KCNH7: variants seen among roughly 807,000 people sequenced by gnomAD.
The protein encoded by KCNH7 is voltage-gated inwardly rectifying potassium channel KCNH7.
A neutral mutation model predicts 120.8 loss-of-function variants in KCNH7; 49 were observed. That is an observed-to-expected ratio of 0.41 (90% CI 0.32 to 0.51). The LOEUF is 0.51. Among genes scored for constraint, KCNH7 ranks in the 20% least tolerant of loss-of-function variants. The probability of loss-of-function intolerance (pLI) is 0.38; values close to 1 mark genes in which losing one functional copy is unlikely to be tolerated. For synonymous variants in KCNH7, 547 were observed against 516.1 expected, an observed-to-expected ratio of 1.06 and a Z score of -0.81; for missense variants, 1,097 against 1,446.6, an observed-to-expected ratio of 0.76 and a Z score of 3.92.
At chr2:162,823,919 G>A (rs1039823929) in intron 2 of KCNH7, among the ~76,000 whole-genome samples, 4 of 151,144 alleles carry the variant, frequency 2.6e-5, no homozygotes, top group Admixed American at 1.3e-4. Context: ...TGCCATATAA[G>A]AAGTACCTAT....
chr2:162,723,910 T>C lies in KCNH7; in HGVS notation c.307+112627A>G, dbSNP rs112607873. On this transcript the variant is annotated intron_variant, in intron 2 of 15. Coordinates refer to ENST00000332142, the MANE Select transcript of KCNH7 (RefSeq NM_033272.4). ...CAATATACACAGTTTCAAATATAGG[T>C]TATTGTTATATTTTCCTGGGAAGAT... is the stretch of plus-strand genomic sequence containing the variant. 4.1e-3 allele frequency among the ~76,000 whole-genome samples: 629 copies of C among 152,220 alleles called. 4 individuals carry two copies. Among genetic ancestry groups the C allele is most frequent in the African/African-American group, 0.014 (584 of 41,542 alleles).
At chr2:162,613,056 G>T (rs1472371018) in intron 2 of KCNH7, among the ~76,000 whole-genome samples, 1 of 151,908 alleles carries the variant, frequency 6.6e-6, no homozygotes, top group Non-Finnish European at 1.5e-5. Context: ...ATGACAGAAA[G>T]TAGAGAGAAA....
intron 2 of KCNH7, among the ~76,000 whole-genome samples, chr2:162,646,756 G>C (rs991497772): frequency 6.6e-6 from 1 of 152,060 alleles, no homozygotes; most frequent in Non-Finnish European, 1.5e-5. Flanking sequence ...AAAGAAAAAG[G>C]GACATCAGAT....
intron 3 of KCNH7, among the ~76,000 whole-genome samples, chr2:162,518,720 A>C (rs1192779553): frequency 3.3e-5 from 5 of 151,362 alleles, no homozygotes; most frequent in Non-Finnish European, 5.9e-5. Flanking sequence ...TGTGTATGAG[A>C]GGTTTATCAT....
At chr2:162,524,219 C>T (rs1244141123) in intron 3 of KCNH7, among the ~76,000 whole-genome samples, 1 of 152,018 alleles carries the variant, frequency 6.6e-6, no homozygotes, top group East Asian at 1.9e-4. Context: ...GGCCAGTCCT[C>T]CTGGAGCTCA....
intron 2 of KCNH7, among the ~76,000 whole-genome samples, chr2:162,666,395 A>C: frequency 7.1e-6 from 1 of 140,002 alleles, no homozygotes; most frequent in African/African-American, 2.7e-5. Context: ...TTCCTAAACC[A>C]TTTCACAATA....
At chr2:162,724,400 C>T (rs952128058) in intron 2 of KCNH7, among the ~76,000 whole-genome samples, 7 of 152,040 alleles carry the variant, frequency 4.6e-5, no homozygotes, top group Non-Finnish European at 5.9e-5. Flanking sequence ...AGGCCGGGCG[C>T]GGTGGCTCAC....
At chr2:162,834,982 A>G (rs910828833) in intron 2 of KCNH7, among the ~76,000 whole-genome samples, 8 of 152,102 alleles carry the variant, frequency 5.3e-5, no homozygotes, top group Non-Finnish European at 1.0e-4. Context: ...ATTCAATAGG[A>G]AAAAAATGTC....
chr2:162,538,259 T>A (rs1692179143), intron 2 of KCNH7, among the ~76,000 whole-genome samples: 1 of 152,036 alleles, frequency 6.6e-6, no homozygotes, highest in Admixed American at 6.6e-5. Context: ...TCAGCTATCG[T>A]TAGCATTAGT....
chr2:162,724,410 C>T (rs754201344), intron 2 of KCNH7, among the ~76,000 whole-genome samples: 5 of 152,108 alleles, frequency 3.3e-5, no homozygotes, highest in Non-Finnish European at 5.9e-5. Flanking sequence ...CGGTGGCTCA[C>T]GCCTGTAATC....
At chr2:162,654,793 T>C (rs1243473411) in intron 2 of KCNH7, among the ~76,000 whole-genome samples, 2 of 152,188 alleles carry the variant, frequency 1.3e-5, no homozygotes, top group African/African-American at 4.8e-5. Flanking sequence ...GGAATACTAT[T>C]CAGCCTTAAA....
intron 2 of KCNH7, among the ~76,000 whole-genome samples, chr2:162,551,159 AG>A (rs1470858283): frequency 1.3e-5 from 2 of 152,218 alleles, no homozygotes; most frequent in African/African-American, 4.8e-5. Flanking sequence ...GGTATTCATC[AG>A]AAGGCGAGTT....
intron 2 of KCNH7, among the ~76,000 whole-genome samples, chr2:162,800,387 C>T (rs1474357849): frequency 6.6e-6 from 1 of 151,596 alleles, no homozygotes; most frequent in African/African-American, 2.4e-5. Flanking sequence ...TACTGAAAGT[C>T]TTGTACAACG....
chr2:162,818,184 C>T (rs752216270), intron 2 of KCNH7, among the ~76,000 whole-genome samples: 9 of 151,756 alleles, frequency 5.9e-5, no homozygotes, highest in Admixed American at 2.6e-4. Flanking sequence ...GTAATATTTA[C>T]TTGCTCACAG....
intron 2 of KCNH7, among the ~76,000 whole-genome samples, chr2:162,759,822 A>G (rs900764873): frequency 3.3e-5 from 5 of 152,158 alleles, no homozygotes; most frequent in African/African-American, 9.7e-5. Flanking sequence ...AATGTCAAAA[A>G]TTGATAAATA....
At chr2:162,586,329 C>T (rs183125202) in intron 2 of KCNH7, among the ~76,000 whole-genome samples, 6 of 152,114 alleles carry the variant, frequency 3.9e-5, no homozygotes, top group South Asian at 2.1e-4. Flanking sequence ...CCCTTTGGAA[C>T]GTTGAGAGCA....
At chr2:162,632,055 T>G (rs940202168) in intron 2 of KCNH7, among the ~76,000 whole-genome samples, 1 of 151,958 alleles carries the variant, frequency 6.6e-6, no homozygotes, top group African/African-American at 2.4e-5. Flanking sequence ...AAAAAATGAA[T>G]GTATAAATGT....
At chr2:162,378,607 T>A (rs1394251402) in intron 14 of KCNH7, among the ~76,000 whole-genome samples, 1 of 152,176 alleles carries the variant, frequency 6.6e-6, no homozygotes, top group Non-Finnish European at 1.5e-5. Flanking sequence ...GCCAGGCATA[T>A]CAACGATAGA....
intron 2 of KCNH7, among the ~76,000 whole-genome samples, chr2:162,581,585 C>T (rs1693867653): frequency 7.6e-6 from 1 of 132,242 alleles, no homozygotes. Context: ...CCTTGTTTAA[C>T]TGCAATTCTT....
Sources: gnomAD v4.1 joint callset for allele counts (sites outside exome capture counted in the v4.1 genomes callset) on GRCh38, gnomAD v4.1.1 for gene constraint, MANE v1.5 for transcripts, NCBI Gene and HGNC (gene_info 2026-07-23, HGNC 2026-07-21) for gene names.